The following SLC35F4 variants were observed in gnomAD, a reference collection of about 807,000 sequenced individuals.
SLC35F4 encodes the protein chromosome 14 open reading frame 36.
SLC35F4 carries 24 observed loss-of-function variants against 44.2 expected under a neutral mutation model. That is an observed-to-expected ratio of 0.54 (90% CI 0.39 to 0.76). The LOEUF is 0.76. SLC35F4 is among the 30% of genes least tolerant of loss of function. The pLI, the probability that SLC35F4 is intolerant of heterozygous loss-of-function variation, is 0.00. For synonymous variants in SLC35F4, 238 were observed against 223.6 expected (o/e 1.06, Z -0.57); for missense variants, 562 against 586.1 (o/e 0.96, Z 0.42).
intron 1 of SLC35F4, among the ~76,000 whole-genome samples, chr14:57,771,099 A>G (rs1450426552): frequency 6.6e-6 from 1 of 152,074 alleles, no homozygotes; most frequent in Non-Finnish European, 1.5e-5. Context: ...AGCATAGATG[A>G]ATTCTTTTGG....
Position 57,645,270 on chromosome 14 carries a change from T to A in SLC35F4, c.104-51146A>T, listed in dbSNP as rs375730095. 7.2e-5 allele frequency among the ~76,000 whole-genome samples: 11 copies of A among 152,088 alleles called. No homozygotes were observed. The South Asian group carries it at 1.5e-3, about 20-fold the overall frequency. Reference sequence around the variant, plus strand: ...ACCCATGAGCATGGAATGTTCTTCCTTTTGTTTGTATCCTCTTTTATTTCA... The same window carrying A: ...ACCCATGAGCATGGAATGTTCTTCCATTTGTTTGTATCCTCTTTTATTTCA... On this transcript the variant is annotated intron_variant, in intron 1 of 7. Coordinates refer to ENST00000556826, the MANE Select transcript of SLC35F4 (RefSeq NM_001306087.2).
chr14:57,787,194 C>CAAAGACAAT (rs2077785909), intron 1 of SLC35F4, among the ~76,000 whole-genome samples: 1 of 152,070 alleles, frequency 6.6e-6, no homozygotes, highest in African/African-American at 2.4e-5. Context: ...TTCAAACTAA[C>CAAAGACAAT]CCAATCCAAC....
chr14:57,696,407 T>G (rs545712016), intron 1 of SLC35F4, among the ~76,000 whole-genome samples: 99 of 152,150 alleles, frequency 6.5e-4, no homozygotes, highest in Non-Finnish European at 8.7e-4. Context: ...CATTAAAAAG[T>G]TGGGAAACAA....
At chr14:57,710,378 T>C (rs114725934) in intron 1 of SLC35F4, among the ~76,000 whole-genome samples, 2,045 of 152,178 alleles carry the variant, frequency 0.013, 46 homozygotes, top group African/African-American at 0.047. Context: ...GTTGCAGGGG[T>C]GGAGCCATCA....
chr14:57,917,308 C>T (rs1450808484), intron 1 of SLC35F4, among the ~76,000 whole-genome samples: 3 of 152,208 alleles, frequency 2.0e-5, no homozygotes, highest in African/African-American at 7.2e-5. Context: ...ATCTGCCCAC[C>T]TCGGCCTCCC....
intron 1 of SLC35F4, among the ~76,000 whole-genome samples, chr14:57,904,124 G>A (rs1172606224): frequency 1.3e-5 from 2 of 152,182 alleles, no homozygotes; most frequent in Admixed American, 6.5e-5. Context: ...GCATCAATTT[G>A]TCACACTGAT....
intron 1 of SLC35F4, among the ~76,000 whole-genome samples, chr14:57,878,211 C>A (rs1021102573): frequency 6.6e-6 from 1 of 152,012 alleles, no homozygotes; most frequent in African/African-American, 2.4e-5. Context: ...TGATATTAGA[C>A]CTTTGTTGGA....
intron 1 of SLC35F4, among the ~76,000 whole-genome samples, chr14:57,755,026 G>A (rs8014141): frequency 0.011 from 1,726 of 152,306 alleles, 31 homozygotes; most frequent in African/African-American, 0.04. Context: ...TGTAAACTTC[G>A]TGGTGTGGAA....
At chr14:57,936,918 C>T (rs906034233) in intron 1 of SLC35F4, among the ~76,000 whole-genome samples, 1 of 152,144 alleles carries the variant, frequency 6.6e-6, no homozygotes, top group Non-Finnish European at 1.5e-5. Flanking sequence ...ATCAAGCCAG[C>T]TTATCCAAAA....
chr14:57,696,712 T>C (rs982672138), intron 1 of SLC35F4, among the ~76,000 whole-genome samples: 1 of 152,222 alleles, frequency 6.6e-6, no homozygotes, highest in Non-Finnish European at 1.5e-5. Flanking sequence ...GTGGCATATA[T>C]ACACCATGGA....
intron 1 of SLC35F4, among the ~76,000 whole-genome samples, chr14:57,798,257 A>G (rs574940900): frequency 4.6e-5 from 7 of 152,276 alleles, no homozygotes; most frequent in African/African-American, 1.4e-4. Context: ...GAAAATGCCT[A>G]GAGGACCTGA....
chr14:57,581,442 G>C lies in SLC35F4; in HGVS notation c.588-9C>G. The C allele has an allele frequency of 6.3e-7, 1 of 1,599,110 alleles. No individual in the cohort carries two copies. Among genetic ancestry groups the C allele is most frequent in the Non-Finnish European group, 8.5e-7 (1 of 1,172,450 alleles). Reference sequence around the variant, plus strand: ...AAATCCGACTGCATTCCCTAGGAAAGAAAAGAGAAGTTAATATCCAGGTAC... The same window carrying C: ...AAATCCGACTGCATTCCCTAGGAAACAAAAGAGAAGTTAATATCCAGGTAC... On this transcript the variant is annotated splice_polypyrimidine_tract_variant and intron_variant, in intron 3 of 7. Coordinates refer to ENST00000556826, the MANE Select transcript of SLC35F4 (RefSeq NM_001306087.2).
chr14:57,612,814 C>T (rs1341841063), intron 1 of SLC35F4, among the ~76,000 whole-genome samples: 1 of 152,038 alleles, frequency 6.6e-6, no homozygotes, highest in Non-Finnish European at 1.5e-5. Flanking sequence ...GTAGCAATAC[C>T]ATAATTAAGG....
chr14:57,847,666 G>A (rs1886156055), intron 1 of SLC35F4, among the ~76,000 whole-genome samples: 1 of 152,104 alleles, frequency 6.6e-6, no homozygotes. Context: ...TATGTGTACA[G>A]CTCGATGACA....
At chr14:57,631,888 G>A (rs2072794121) in intron 1 of SLC35F4, among the ~76,000 whole-genome samples, 2 of 152,052 alleles carry the variant, frequency 1.3e-5, no homozygotes, top group African/African-American at 4.8e-5. Context: ...CGGATTGCTT[G>A]CTTACAGATA....
intron 1 of SLC35F4, among the ~76,000 whole-genome samples, chr14:57,980,108 G>T (rs926478322): frequency 6.6e-6 from 1 of 152,154 alleles, no homozygotes; most frequent in Non-Finnish European, 1.5e-5. Context: ...TAGAGTCTAG[G>T]CTGAAACAAA....
At chr14:57,966,924 C>A (rs762452424) in intron 1 of SLC35F4, among the ~76,000 whole-genome samples, 1 of 151,908 alleles carries the variant, frequency 6.6e-6, no homozygotes, top group Non-Finnish European at 1.5e-5. Flanking sequence ...GCAGGAGAAT[C>A]GCTTGAACCC....
chr14:57,721,601 T>C (rs553414392), intron 1 of SLC35F4, among the ~76,000 whole-genome samples: 2 of 152,256 alleles, frequency 1.3e-5, no homozygotes, highest in East Asian at 1.9e-4. Context: ...GAAAAGTGCA[T>C]GCACAGCATC....
intron 1 of SLC35F4, among the ~76,000 whole-genome samples, chr14:57,822,339 T>C (rs1883257527): frequency 1.3e-5 from 2 of 152,136 alleles, no homozygotes; most frequent in South Asian, 4.1e-4. Context: ...CACTTAACAC[T>C]AAAATAAGAT....
Sources: gnomAD v4.1 joint callset for allele counts (sites outside exome capture counted in the v4.1 genomes callset) on GRCh38, gnomAD v4.1.1 for gene constraint, MANE v1.5 for transcripts, NCBI Gene and HGNC (gene_info 2026-07-23, HGNC 2026-07-21) for gene names.